MPP7: variants seen among roughly 807,000 people sequenced by gnomAD.
MPP7 encodes the protein MAGUK p55 scaffold protein 7.
MPP7 carries 60 observed loss-of-function variants against 76.5 expected under a neutral mutation model. That is an observed-to-expected ratio of 0.78 (90% CI 0.64 to 0.97). The LOEUF (loss-of-function observed/expected upper bound fraction) is 0.97. MPP7 is among the 50% of genes least tolerant of loss of function. The pLI, the probability that MPP7 is intolerant of heterozygous loss-of-function variation, is 0.00. For synonymous variants in MPP7, 237 were observed against 244.5 expected (o/e 0.97, Z 0.29); for missense variants, 641 against 694.0 (o/e 0.92, Z 0.86).
chr10:28,312,453 C>T (rs899378925), intron 2 of MPP7, among the ~76,000 whole-genome samples: 2 of 152,132 alleles, frequency 1.3e-5, no homozygotes, highest in Non-Finnish European at 2.9e-5. Flanking sequence ...TTTTACAATC[C>T]TCCTGTAAGA....
Position 28,256,553 on chromosome 10 carries a change from T to C in MPP7, c.-131-17818A>G, listed in dbSNP as rs546408277. Reference sequence around the variant, plus strand: ...CCTAAAATGTTCATCAATCAGGCAATGGTTTTAAAAAATAATAATAATGAA... The same window carrying C: ...CCTAAAATGTTCATCAATCAGGCAACGGTTTTAAAAAATAATAATAATGAA... On this transcript the variant is annotated intron_variant, in intron 1 of 16. Coordinates refer to ENST00000683449, the MANE Select transcript of MPP7 (RefSeq NM_001318170.2). 2.6e-5 allele frequency among the ~76,000 whole-genome samples: 4 copies of C among 152,162 alleles called. No individual in the cohort carries two copies. In the East Asian group the frequency reaches 5.8e-4, roughly 22 times the overall value.
intron 12 of MPP7, among the ~76,000 whole-genome samples, chr10:28,080,302 A>G (rs1373947643): frequency 6.6e-6 from 1 of 152,132 alleles, no homozygotes; most frequent in African/African-American, 2.4e-5. Context: ...TAAAATTAAG[A>G]GGTCAAAATA....
Position 28,056,577 on chromosome 10 carries a change from A to T in MPP7, c.1454T>A (p.Phe485Tyr). 6.2e-7 allele frequency: 1 copy of T among 1,610,088 alleles called. No individual in the cohort carries two copies. Among genetic ancestry groups the T allele is most frequent in the Non-Finnish European group, 8.5e-7 (1 of 1,179,144 alleles). Residue 485 changes from phenylalanine to tyrosine, a missense_variant, in exon 16 of 17, where the codon TTT becomes TAT. By Grantham distance (22) the Phe-to-Tyr change is conservative. Transcript: ENST00000683449. ...RTLEFKPYVI[F>Y]IKPPSIERLR... is the part of the protein sequence containing the mutation. ...ACGCTCTATTGATGGAGGCTTTATAAATATCACATAGGGCTTAAATTCTAG... is the reference window on the plus strand; with the variant it reads ...ACGCTCTATTGATGGAGGCTTTATATATATCACATAGGGCTTAAATTCTAG...
chr10:28,254,864 G>C (rs1410102043), intron 1 of MPP7: 2 of 152,146 alleles, frequency 1.3e-5, no homozygotes, highest in African/African-American at 4.8e-5. Flanking sequence ...TTGAGTTTAT[G>C]CAGTAAGGAA....
intron 1 of MPP7, among the ~76,000 whole-genome samples, chr10:28,302,393 C>G (rs1841178717): frequency 6.6e-6 from 1 of 150,716 alleles, no homozygotes; most frequent in Admixed American, 6.6e-5. Context: ...CGCCTGTTCT[C>G]AGAAAACATG....
intron 5 of MPP7, among the ~76,000 whole-genome samples, chr10:28,133,823 T>C (rs1215765213): frequency 2.0e-5 from 3 of 152,290 alleles, no homozygotes; most frequent in Admixed American, 2.0e-4. Flanking sequence ...GAATTACAAG[T>C]GAGTATTCAT....
intron 16 of MPP7, among the ~76,000 whole-genome samples, 184 bp from the exon 17 acceptor site, chr10:28,054,428 T>G (rs1851474003): frequency 6.6e-6 from 1 of 152,216 alleles, no homozygotes; most frequent in Non-Finnish European, 1.5e-5. Context: ...TCTAATACTA[T>G]TTCTATGATT....
intron 1 of MPP7, among the ~76,000 whole-genome samples, chr10:28,330,648 T>G (rs1214303893): frequency 2.0e-5 from 3 of 151,982 alleles, no homozygotes; most frequent in Non-Finnish European, 2.9e-5. Context: ...GGGTTGCTTT[T>G]TTTGTTTTTT....
In MPP7 at chr10:28,287,524, G is replaced by A. The variant is rs148736017; in HGVS notation, c.-132+15337C>T. ...ATCCATTGGTCTTTCTTTCATTTTGGATCTTTCTTATTCATGCATGATTTG... is the reference window on the plus strand; with the variant it reads ...ATCCATTGGTCTTTCTTTCATTTTGAATCTTTCTTATTCATGCATGATTTG... On this transcript the variant is annotated intron_variant, in intron 1 of 16. Coordinates refer to ENST00000683449, the MANE Select transcript of MPP7 (RefSeq NM_001318170.2). Among the ~76,000 whole-genome samples the A allele has an allele frequency of 6.6e-4, 101 of 152,192 alleles. 1 individual carries two copies. The highest frequency in any genetic ancestry group is 2.4e-3 in the African/African-American group (100 of 41,518).
chr10:28,292,964 T>C (rs1840955213), intron 1 of MPP7, among the ~76,000 whole-genome samples: 2 of 151,750 alleles, frequency 1.3e-5, no homozygotes, highest in South Asian at 4.2e-4. Flanking sequence ...GAAAATTCGT[T>C]TGCCATAGAA....
chr10:28,149,198 T>C (rs1244880314), intron 4 of MPP7, among the ~76,000 whole-genome samples: 1 of 152,220 alleles, frequency 6.6e-6, no homozygotes, highest in African/African-American at 2.4e-5. Flanking sequence ...CTGAATTATA[T>C]AGCTTGTCTT....
chr10:28,154,684 T>C (rs970103989), intron 3 of MPP7, among the ~76,000 whole-genome samples: 1 of 149,300 alleles, frequency 6.7e-6, no homozygotes, highest in Non-Finnish European at 1.5e-5. Flanking sequence ...CCCAGAATAA[T>C]GTTCTAGAGA....
intron 11 of MPP7, among the ~76,000 whole-genome samples, chr10:28,102,731 C>T (rs1853883438): frequency 6.6e-6 from 1 of 152,158 alleles, no homozygotes; most frequent in South Asian, 2.1e-4. Context: ...GAAATCTCCT[C>T]AGTTCTACCA....
intron 2 of MPP7, among the ~76,000 whole-genome samples, chr10:28,233,247 G>A (rs745521253): frequency 9.2e-5 from 14 of 152,170 alleles, no homozygotes; most frequent in Non-Finnish European, 1.3e-4. Flanking sequence ...ACAATGATCC[G>A]TTTGCTAAGG....
chr10:28,115,108 T>A (rs10826401), intron 11 of MPP7, among the ~76,000 whole-genome samples: 35,746 of 151,714 alleles, frequency 0.24, 5,789 homozygotes, highest in East Asian at 0.78. Flanking sequence ...TTTTTTGTTT[T>A]TGTTTTTTTT....
intron 11 of MPP7, among the ~76,000 whole-genome samples, chr10:28,101,385 G>T (rs911625024): frequency 7.2e-5 from 11 of 152,130 alleles, no homozygotes; most frequent in African/African-American, 2.4e-4. Flanking sequence ...CAGATAACTT[G>T]TTGAAGATCA....
intron 3 of MPP7, among the ~76,000 whole-genome samples, chr10:28,185,018 A>G (rs2133922849): frequency 6.8e-6 from 1 of 147,686 alleles, no homozygotes; most frequent in East Asian, 1.9e-4. Flanking sequence ...TATATCATAT[A>G]TAGTATTTAT....
intron 3 of MPP7, among the ~76,000 whole-genome samples, chr10:28,184,060 A>G (rs1837145465): frequency 6.6e-6 from 1 of 151,688 alleles, no homozygotes; most frequent in African/African-American, 2.4e-5. Flanking sequence ...ACACTAATAT[A>G]TAAGGAAAGT....
rs10528025 is a variant in MPP7, at chr10:28,095,194, CATATATATATATATAT to C, written c.953-5369_953-5354del. ...TATCTGATATACATACACACATATG[CATATATATATATATAT>C]ATATATATATATACAGAAACATATA... On this transcript the variant is annotated intron_variant, in intron 11 of 16. Transcript: ENST00000683449. 8.4e-5 allele frequency among the ~76,000 whole-genome samples: 11 copies of C among 130,822 alleles called. No homozygotes were observed. In the East Asian group the frequency reaches 2.7e-3, roughly 32 times the overall value. The allele number at this position is 130,822 out of a possible 152,430, so 85.8% of individuals were successfully genotyped here. A position where few individuals can be genotyped will look rare whatever the true frequency, so the allele number is the denominator to read the frequency against.
Sources: gnomAD v4.1 joint callset for allele counts (sites outside exome capture counted in the v4.1 genomes callset) on GRCh38, gnomAD v4.1.1 for gene constraint, MANE v1.5 for transcripts, NCBI Gene and HGNC (gene_info 2026-07-23, HGNC 2026-07-21) for gene names.